Variants in STYX observed in about 807,000 individuals in gnomAD.
STYX encodes the protein serine/threonine/tyrosine-interacting protein.
A neutral mutation model predicts 42.7 loss-of-function variants in STYX; 20 were observed. That is an observed-to-expected ratio of 0.47 (90% CI 0.33 to 0.68). The LOEUF (loss-of-function observed/expected upper bound fraction) is 0.68, where lower values mean the gene tolerates loss of function less well. STYX is among the 30% of genes least tolerant of loss of function. The pLI is 0.02. For synonymous variants in STYX, 78 were observed against 81.9 expected (o/e 0.95, Z 0.26); for missense variants, 226 against 268.5 (o/e 0.84, Z 1.11).
chr14:52,748,615 A>C (rs1881482623), intron 3 of STYX, among the ~76,000 whole-genome samples: 1 of 152,200 alleles, frequency 6.6e-6, no homozygotes, highest in Non-Finnish European at 1.5e-5. Context: ...GTAATTGCAG[A>C]TCTGCCTCTG....
chr14:52,746,534 G>A, intron 3 of STYX, 55 bp downstream of exon 3: 1 of 1,473,464 alleles, frequency 6.8e-7, no homozygotes, highest in Admixed American at 2.6e-5. Flanking sequence ...ACTTTTCTTG[G>A]GTAAGTTTTT....
At chr14:52,756,719 C>CTTTTTTTTTTTTTTTTTTTTTTTTTTTTT (rs1555359648) in intron 5 of STYX, 108 bp downstream of exon 5, 1 of 397,924 alleles carries the variant, frequency 2.5e-6, no homozygotes, top group African/African-American at 4.7e-5. Flanking sequence ...AAGAGTTTTA[C>CTTTTTTTTTTTTTTTTTTTTTTTTTTTTT]TCTTGTTGCC....
chr14:52,744,283 A>T (rs376993572), intron 1 of STYX, among the ~76,000 whole-genome samples: 32 of 152,196 alleles, frequency 2.1e-4, no homozygotes, highest in African/African-American at 7.0e-4. Flanking sequence ...GTTTTGTGAT[A>T]TGTGTTAAAA....
chr14:52,766,517 AG>A (rs1285283162), intron 9 of STYX, among the ~76,000 whole-genome samples: 7 of 152,044 alleles, frequency 4.6e-5, no homozygotes, highest in African/African-American at 1.7e-4. Context: ...CATATTTTCC[AG>A]GTTGGTCTCA....
intron 1 of STYX, among the ~76,000 whole-genome samples, chr14:52,733,913 C>G (rs1411405113): frequency 1.3e-5 from 2 of 152,208 alleles, no homozygotes; most frequent in Non-Finnish European, 2.9e-5. Context: ...CCCCCGACCC[C>G]CGCTGCTTTA....
At chr14:52,746,278 A>G (rs1478036680) in intron 2 of STYX, 148 bp from the exon 3 acceptor site, 13 of 570,540 alleles carry the variant, frequency 2.3e-5, no homozygotes, top group Non-Finnish European at 3.8e-5. Flanking sequence ...TTTAAAGAAA[A>G]AAAAAAAGAT....
intron 1 of STYX, among the ~76,000 whole-genome samples, chr14:52,737,915 A>G (rs1211137206): frequency 1.3e-5 from 2 of 152,154 alleles, no homozygotes; most frequent in Non-Finnish European, 2.9e-5. Flanking sequence ...AGCTGGGACT[A>G]CAGGCGCCCG....
At chr14:52,732,105 T>TTG (rs1266872072) in intron 1 of STYX, among the ~76,000 whole-genome samples, 24 of 144,348 alleles carry the variant, frequency 1.7e-4, no homozygotes, top group Non-Finnish European at 2.6e-4. Flanking sequence ...TTTTTTTTTT[T>TTG]TTTTTTTTGA....
At chr14:52,738,312 A>C (rs1220955683) in intron 1 of STYX, among the ~76,000 whole-genome samples, 2 of 152,152 alleles carry the variant, frequency 1.3e-5, no homozygotes, top group Admixed American at 1.3e-4. Flanking sequence ...ATTCCCTCCT[A>C]CTATACAACT....
chr14:52,759,780 A>G (rs2139923047), intron 9 of STYX, 26 bp downstream of exon 9: 2 of 1,441,658 alleles, frequency 1.4e-6, no homozygotes, highest in Admixed American at 3.6e-5. Flanking sequence ...CTTTAAGGCA[A>G]TCAGAAGTAA....
chr14:52,773,871 A>T lies in STYX; in HGVS notation c.*2765A>T, dbSNP rs933027460. 1 of 152,184 alleles carries T rather than the reference A, an allele frequency of 6.6e-6. No homozygotes were observed. Among genetic ancestry groups the T allele is most frequent in the Admixed American group, 6.5e-5 (1 of 15,274 alleles). The allele number at this position is 152,184 out of a possible 1,614,324, so 9.4% of individuals were successfully genotyped here. ...ATGATTTATCTTCTAGAGTATTTAA[A>T]TAATGTATGAGTGACCACCCAATTC... is the stretch of plus-strand genomic sequence containing the variant. On this transcript the variant is annotated 3_prime_UTR_variant, in exon 11 of 11. Coordinates refer to ENST00000354586, the MANE Select transcript of STYX (RefSeq NM_145251.4).
chr14:52,747,279 C>T (rs1881430501), intron 3 of STYX, among the ~76,000 whole-genome samples: 1 of 152,162 alleles, frequency 6.6e-6, no homozygotes, highest in Non-Finnish European at 1.5e-5. Context: ...TGAGTTACAA[C>T]GTGGAACATA....
At chr14:52,741,581 G>A (rs1566670581) in intron 1 of STYX, among the ~76,000 whole-genome samples, 1 of 151,966 alleles carries the variant, frequency 6.6e-6, no homozygotes, top group Non-Finnish European at 1.5e-5. Context: ...GGGACTACAG[G>A]CGTGCCACCT....
intron 1 of STYX, among the ~76,000 whole-genome samples, chr14:52,743,268 T>C (rs1393201831): frequency 6.6e-6 from 1 of 152,088 alleles, no homozygotes; most frequent in African/African-American, 2.4e-5. Context: ...ATGTATACTA[T>C]TTCTACCTTC....
At chr14:52,755,703 T>TC (rs373516177) in intron 4 of STYX, among the ~76,000 whole-genome samples, 49 of 150,626 alleles carry the variant, frequency 3.3e-4, no homozygotes, top group East Asian at 2.5e-3. Flanking sequence ...TTTTTTTTTT[T>TC]CCCCTTTACT....
intron 1 of STYX, among the ~76,000 whole-genome samples, chr14:52,731,325 A>G (rs1880691352): frequency 6.6e-6 from 1 of 152,112 alleles, no homozygotes; most frequent in Non-Finnish European, 1.5e-5. Flanking sequence ...TAACATCGCT[A>G]GTTAAAAATA....
rs1882326630 is a variant in STYX at position 52,766,969 on chromosome 14, A to G, written c.505-1871A>G. On this transcript the variant is annotated intron_variant, in intron 9 of 10. Coordinates refer to ENST00000354586, the MANE Select transcript of STYX (RefSeq NM_145251.4). ...GACAGTAAAGCAGAGAACAAAACAGACAATAATCCTTGACCTCACGAAACT... is the reference window on the plus strand; with the variant it reads ...GACAGTAAAGCAGAGAACAAAACAGGCAATAATCCTTGACCTCACGAAACT... Among the ~76,000 whole-genome samples, 2 of 152,154 alleles carry G rather than the reference A, an allele frequency of 1.3e-5. 1 individual carries two copies. The highest frequency in any genetic ancestry group is 4.1e-4 in the South Asian group (2 of 4,826).
intron 1 of STYX, among the ~76,000 whole-genome samples, chr14:52,736,365 G>A (rs1437590850): frequency 6.6e-6 from 1 of 152,120 alleles, no homozygotes; most frequent in Non-Finnish European, 1.5e-5. Flanking sequence ...TTTGGTCATT[G>A]TCTATTTTCC....
chr14:52,755,126 T>TG (rs1881805878), intron 4 of STYX, among the ~76,000 whole-genome samples: 1 of 150,526 alleles, frequency 6.6e-6, no homozygotes, highest in South Asian at 2.1e-4. Context: ...TTTTTGTTTT[T>TG]TTTTTTTTGT....
Sources: allele counts gnomAD v4.1 joint callset (sites outside exome capture counted in the v4.1 genomes callset), GRCh38; gene constraint gnomAD v4.1.1; transcripts MANE v1.5; gene names NCBI Gene and HGNC (gene_info 2026-07-23, HGNC 2026-07-21).